PTPN11: variants seen among roughly 807,000 people sequenced by gnomAD.
PTPN11 encodes the protein tyrosine-protein phosphatase non-receptor type 11.
A neutral mutation model predicts 78.8 loss-of-function variants in PTPN11; 6 were observed. The ratio of observed to expected loss-of-function variants is 0.08; its 90% CI spans 0.04 to 0.15. PTPN11 has a LOEUF of 0.15. Among genes scored for constraint, PTPN11 ranks in the 10% least tolerant of loss-of-function variants. The pLI, the probability that PTPN11 is intolerant of heterozygous loss-of-function variation, is 1.00. For synonymous variants in PTPN11, 221 were observed against 263.5 expected (o/e 0.84, Z 1.56); for missense variants, 386 against 744.8 (o/e 0.52, Z 5.61).
At chr12:112,502,382 CCTA>C (rs1566192501) in intron 14 of PTPN11, 126 bp downstream of exon 14, 7 of 794,068 alleles carry the variant, frequency 8.8e-6, no homozygotes, top group Non-Finnish European at 1.6e-5. Flanking sequence ...TTCCTGTTGC[CCTA>C]CTGTTAGTGT....
chr12:112,485,982 G>GAA (rs1248676882), intron 10 of PTPN11, among the ~76,000 whole-genome samples: 6 of 121,158 alleles, frequency 5.0e-5, no homozygotes, highest in Non-Finnish European at 8.6e-5. Flanking sequence ...CTCTGTCTTG[G>GAA]AAAAAAAAAA....
At chr12:112,452,649 T>A (rs2038095503) in intron 3 of PTPN11, among the ~76,000 whole-genome samples, 1 of 152,154 alleles carries the variant, frequency 6.6e-6, no homozygotes, top group Non-Finnish European at 1.5e-5. Flanking sequence ...TGCCTCGGCC[T>A]TGTGTATAGC....
At chr12:112,500,638 CTGCAG>C (rs1008211368) in intron 13 of PTPN11, among the ~76,000 whole-genome samples, 20 of 152,312 alleles carry the variant, frequency 1.3e-4, no homozygotes, top group African/African-American at 4.6e-4. Context: ...ATCACCCAGG[CTGCAG>C]TGCAGTGGCC....
chr12:112,439,286 A>C (rs2037844181), intron 1 of PTPN11, among the ~76,000 whole-genome samples: 1 of 151,982 alleles, frequency 6.6e-6, no homozygotes, highest in Non-Finnish European at 1.5e-5. Context: ...TTTTTAAAAA[A>C]TTTATTCTTA....
intron 1 of PTPN11, among the ~76,000 whole-genome samples, chr12:112,442,830 T>TATATATATATA (rs2037917251): frequency 2.3e-5 from 1 of 43,532 alleles, no homozygotes; most frequent in Non-Finnish European, 6.0e-5. Flanking sequence ...CTCTCTCTTT[T>TATATATATATA]TATATATATA....
intron 1 of PTPN11, among the ~76,000 whole-genome samples, chr12:112,445,732 C>T (rs2037983358): frequency 6.6e-6 from 1 of 151,290 alleles, no homozygotes; most frequent in Admixed American, 6.6e-5. Context: ...ACCTCTGCCT[C>T]CTGGGTTCAA....
intron 6 of PTPN11, among the ~76,000 whole-genome samples, chr12:112,462,401 A>G (rs2038262289): frequency 1.3e-5 from 2 of 152,106 alleles, no homozygotes; most frequent in Non-Finnish European, 2.9e-5. Context: ...ACTCATTTGT[A>G]ATCGTCCTTC....
Position 112,446,225 on chromosome 12 carries a change from G to A in PTPN11, c.15-51G>A, listed in dbSNP as rs756980918. On this transcript the variant is annotated intron_variant, in intron 1 of 15. Coordinates refer to ENST00000351677, the MANE Select transcript of PTPN11 (RefSeq NM_002834.5). ...CTTAGCTGTGTTGTTGTGGAAAGTA[G>A]TGCTGACAGTGTCTTGTTTTTTTAT... 2.5e-6 allele frequency: 4 copies of A among 1,608,914 alleles called. No homozygotes were observed. In the Admixed American group the frequency reaches 5.0e-5, roughly 20 times the overall value.
intron 1 of PTPN11, among the ~76,000 whole-genome samples, chr12:112,420,836 T>G (rs2037513464): frequency 6.6e-6 from 1 of 152,228 alleles, no homozygotes; most frequent in East Asian, 1.9e-4. Flanking sequence ...CAGAACAGTG[T>G]ATAGCCTCAA....
At position 112,450,427 on chromosome 12, in the gene PTPN11, G is replaced by A. The variant is rs1319495648; in HGVS notation, c.247G>A (p.Glu83Lys). The change falls in exon 3 of 16, where the codon GAA becomes AAA. Residue 83 changes from glutamate (E) to lysine (K), a missense_variant. By Grantham distance (56) the Glu-to-Lys change is moderately conservative. Around this residue, in one of 3 missense-constraint regions of PTPN11, gnomAD observed 279 missense variants for 503.3 expected, o/e 0.55. Transcript: ENST00000351677. ...GGCTGAGTTGGTCCAGTATTACATG[G>A]AACATCACGGGCAATTAAAAGAGAA... ...TLAELVQYYM[E>K]HHGQLKEKNG... 1 of 1,613,942 alleles carries A rather than the reference G, an allele frequency of 6.2e-7. No homozygotes were observed. Among genetic ancestry groups the A allele is most frequent in the Non-Finnish European group, 8.5e-7 (1 of 1,179,856 alleles).
chr12:112,501,907 C>T (rs972625821), intron 13 of PTPN11, among the ~76,000 whole-genome samples: 11 of 152,178 alleles, frequency 7.2e-5, no homozygotes, highest in African/African-American at 2.7e-4. Context: ...GTTGTTAATG[C>T]GTGACTCTGT....
intron 7 of PTPN11, among the ~76,000 whole-genome samples, chr12:112,473,807 TGCACTCCA>T (rs1223732575): frequency 6.6e-6 from 1 of 151,214 alleles, no homozygotes; most frequent in Non-Finnish European, 1.5e-5. Context: ...GATGTGCCAT[TGCACTCCA>T]GCCTGGGTGA....
chr12:112,493,683 C>T (rs2038782852), intron 13 of PTPN11, among the ~76,000 whole-genome samples: 1 of 152,130 alleles, frequency 6.6e-6, no homozygotes, highest in African/African-American at 2.4e-5. Flanking sequence ...GCCACCACAC[C>T]CAGCCACATT....
intron 11 of PTPN11, 105 bp downstream of exon 11, chr12:112,486,734 T>G: frequency 6.5e-7 from 1 of 1,542,782 alleles, no homozygotes; most frequent in Non-Finnish European, 8.8e-7. Flanking sequence ...GTAGGAAGAA[T>G]TTAATATCTG....
intron 1 of PTPN11, among the ~76,000 whole-genome samples, chr12:112,427,956 G>C (rs1395354862): frequency 6.6e-6 from 1 of 152,042 alleles, no homozygotes; most frequent in Non-Finnish European, 1.5e-5. Context: ...TTGCTATGCT[G>C]TCCAGGCTGG....
At chr12:112,437,779 T>C (rs148038743) in intron 1 of PTPN11, among the ~76,000 whole-genome samples, 2 of 152,322 alleles carry the variant, frequency 1.3e-5, no homozygotes, top group East Asian at 3.9e-4. Flanking sequence ...CCTGGTGATT[T>C]TCTGTGCGGT....
At chr12:112,426,061 T>A (rs952555620) in intron 1 of PTPN11, among the ~76,000 whole-genome samples, 18 of 152,300 alleles carry the variant, frequency 1.2e-4, no homozygotes, top group African/African-American at 4.3e-4. Context: ...CTTGACTGTT[T>A]CCCCACATCA....
intron 10 of PTPN11, among the ~76,000 whole-genome samples, chr12:112,484,980 G>C (rs1243233880): frequency 2.6e-5 from 4 of 152,110 alleles, no homozygotes; most frequent in Non-Finnish European, 5.9e-5. Context: ...GTCACTTAAG[G>C]CTGGGCAAAG....
chr12:112,475,963 A>C (rs752633099), intron 7 of PTPN11, among the ~76,000 whole-genome samples: 1 of 150,936 alleles, frequency 6.6e-6, no homozygotes, highest in African/African-American at 2.4e-5. Flanking sequence ...TTTTTTTTGG[A>C]ATTTATTTTT....
Sources: gnomAD v4.1 joint callset for allele counts (sites outside exome capture counted in the v4.1 genomes callset) on GRCh38, gnomAD v4.1.1 for gene constraint, gnomAD v4.1.1 regional missense constraint, MANE v1.5 for transcripts, NCBI Gene and HGNC (gene_info 2026-07-23, HGNC 2026-07-21) for gene names.